DOCK5: variants seen among roughly 807,000 people sequenced by gnomAD.
DOCK5 encodes dedicator of cytokinesis protein 5.
DOCK5 carries 142 observed loss-of-function variants against 251.8 expected under a neutral mutation model. The observed-to-expected ratio is 0.56, with a 90% CI of 0.49 to 0.65. The LOEUF (loss-of-function observed/expected upper bound fraction) is 0.65. Ranked by LOEUF, DOCK5 falls within the 30% of genes least tolerant of loss-of-function variation. DOCK5 has a pLI of 0.00. For missense variants in DOCK5, 2,111 were observed against 2,312.3 expected (o/e 0.91, Z 1.79); for synonymous variants, 842 against 835.5 (o/e 1.01, Z -0.13).
intron 40 of DOCK5, among the ~76,000 whole-genome samples, chr8:25,386,245 G>A (rs893786833): frequency 2.0e-5 from 3 of 152,226 alleles, no homozygotes; most frequent in Middle Eastern, 3.4e-3. Flanking sequence ...TAAAATAACC[G>A]TGGTTGGGGA....
intron 50 of DOCK5, chr8:25,409,859 TAAAAA>T: frequency 2.6e-6 from 1 of 380,432 alleles, no homozygotes; most frequent in Non-Finnish European, 4.8e-6. Context: ...AAAACAAAAA[TAAAAA>T]AAATAAAGTT....
At position 25,274,511 on chromosome 8, in the gene DOCK5, C is replaced by T. The variant is rs115087887; in HGVS notation, c.169-875C>T. Among the ~76,000 whole-genome samples, 608 of 152,312 alleles carry T rather than the reference C, an allele frequency of 4.0e-3. 1 individual carries two copies. Among genetic ancestry groups the T allele is most frequent in the African/African-American group, 0.014 (585 of 41,558 alleles). On this transcript the variant is annotated intron_variant, in intron 3 of 51. Transcript: ENST00000276440. ...CTTCCTGTTGGTTAGATCTGGTCCTCTGTTCTCTGATTTCTATCCACCAGT... is the reference window on the plus strand; with the variant it reads ...CTTCCTGTTGGTTAGATCTGGTCCTTTGTTCTCTGATTTCTATCCACCAGT...
At chr8:25,261,748 G>A (rs879766078) in intron 2 of DOCK5, among the ~76,000 whole-genome samples, 21 of 152,168 alleles carry the variant, frequency 1.4e-4, no homozygotes, top group Admixed American at 9.2e-4. Flanking sequence ...AAAATTCCGC[G>A]GTATCTTTAT....
intron 13 of DOCK5, among the ~76,000 whole-genome samples, chr8:25,311,003 C>T (rs1024254459): frequency 3.9e-5 from 6 of 152,140 alleles, no homozygotes; most frequent in Admixed American, 1.3e-4. Context: ...AGCATGTGGG[C>T]GCCTTGCTCT....
chr8:25,298,460 C>T (rs1315265324), intron 7 of DOCK5, among the ~76,000 whole-genome samples: 1 of 152,138 alleles, frequency 6.6e-6, no homozygotes, highest in African/African-American at 2.4e-5. Context: ...GGATTCAAGG[C>T]CCTGAACAGG....
intron 45 of DOCK5, among the ~76,000 whole-genome samples, chr8:25,396,763 CGTGT>C (rs5890230): frequency 0.48 from 69,961 of 146,726 alleles, 17,798 homozygotes; most frequent in East Asian, 0.6. Context: ...CTCTTGTGTC[CGTGT>C]GTGTGTGTGT....
rs1801473495 is a variant in DOCK5 at position 25,403,567 on chromosome 8, T to G, written c.4936T>G (p.Leu1646Val). 1 of 1,613,700 alleles carries G rather than the reference T, an allele frequency of 6.2e-7. No homozygotes were observed. The highest frequency in any genetic ancestry group is 1.7e-5 in the Admixed American group (1 of 59,982). The change falls in exon 48 of 52, where the codon TTG becomes GTG. Residue 1646 changes from leucine to valine, a missense_variant. Around this residue, in one of 3 missense-constraint regions of DOCK5, gnomAD observed 1,717 missense variants for 1,892.4 expected, o/e 0.91. Coordinates refer to ENST00000276440, the MANE Select transcript of DOCK5 (RefSeq NM_024940.8). Reference protein sequence around the residue: ...HYGVITLPPNLTERKQSRTGS... With the variant: ...HYGVITLPPNVTERKQSRTGS... ...AGTCATATGTTTTCAGCCACCCAAC[T>G]TGACGGAGAGGAAGCAAAGCCGCAC...
chr8:25,203,136 C>T (rs1311584388), intron 1 of DOCK5, among the ~76,000 whole-genome samples: 3 of 152,162 alleles, frequency 2.0e-5, no homozygotes, highest in Admixed American at 6.5e-5. Context: ...GGTCTTAACA[C>T]CCAGATCATC....
At chr8:25,257,631 C>A (rs1294406039) in intron 2 of DOCK5, among the ~76,000 whole-genome samples, 4 of 152,138 alleles carry the variant, frequency 2.6e-5, no homozygotes, top group Non-Finnish European at 4.4e-5. Context: ...GCTCTTGGCA[C>A]ACAAACTTGC....
chr8:25,285,539 C>T (rs1391341989), intron 5 of DOCK5, among the ~76,000 whole-genome samples: 1 of 152,112 alleles, frequency 6.6e-6, no homozygotes, highest in Non-Finnish European at 1.5e-5. Context: ...CTGTGGCAGT[C>T]TATAGTTCTG....
chr8:25,363,143 T>G lies in DOCK5; in HGVS notation c.3044+2T>G, dbSNP rs868329499. 3.1e-6 allele frequency: 5 copies of G among 1,613,410 alleles called. No homozygotes were observed. The Admixed American group carries it at 8.3e-5, about 27-fold the overall frequency. Reference sequence around the variant, plus strand: ...GGTGATGAATATGACTCAAAACAGGTGAGACAGCCCATGGCTGGCCCTGAG... The same window carrying G: ...GGTGATGAATATGACTCAAAACAGGGGAGACAGCCCATGGCTGGCCCTGAG... On this transcript the variant is annotated splice_donor_variant, in intron 29 of 51. Coordinates refer to ENST00000276440, the MANE Select transcript of DOCK5 (RefSeq NM_024940.8). LOFTEE classifies it high-confidence loss of function.
intron 2 of DOCK5, 105 bp downstream of exon 2, chr8:25,243,862 A>G: frequency 9.2e-7 from 1 of 1,088,484 alleles, no homozygotes; most frequent in Admixed American, 2.2e-5. Flanking sequence ...GACTTCCTGA[A>G]ACAGTGCTAG....
chr8:25,340,049 T>G (rs1429508437), intron 22 of DOCK5, among the ~76,000 whole-genome samples: 9 of 152,120 alleles, frequency 5.9e-5, no homozygotes, highest in Non-Finnish European at 1.2e-4. Flanking sequence ...AGAAGAAACA[T>G]AGATAACATC....
At chr8:25,357,589 A>T (rs147796431) in intron 27 of DOCK5, among the ~76,000 whole-genome samples, 1 of 150,866 alleles carries the variant, frequency 6.6e-6, no homozygotes, top group African/African-American at 2.4e-5. Flanking sequence ...TGTTGGCCAG[A>T]CTGGTCTCAA....
chr8:25,408,461 C>T (rs1160179500), intron 49 of DOCK5, among the ~76,000 whole-genome samples: 1 of 152,152 alleles, frequency 6.6e-6, no homozygotes, highest in African/African-American at 2.4e-5. Context: ...CATTTCTCTT[C>T]TTTAATTTTT....
intron 1 of DOCK5, among the ~76,000 whole-genome samples, chr8:25,226,632 T>C (rs2117510309): frequency 6.6e-6 from 1 of 151,144 alleles, no homozygotes; most frequent in South Asian, 2.1e-4. Context: ...GTTCCCCAGA[T>C]TGGAGTGCAG....
chr8:25,285,053 T>C (rs1382659571), intron 5 of DOCK5, among the ~76,000 whole-genome samples: 1 of 152,232 alleles, frequency 6.6e-6, no homozygotes, highest in African/African-American at 2.4e-5. Context: ...TTTGGAAGAC[T>C]GGATCTAATC....
chr8:25,366,427 C>T (rs954729117), intron 30 of DOCK5, among the ~76,000 whole-genome samples: 3 of 152,168 alleles, frequency 2.0e-5, no homozygotes, highest in Non-Finnish European at 4.4e-5. Context: ...GCGGAGGTTG[C>T]AGTGAGCCGA....
At chr8:25,332,455 A>G (rs1026587779) in intron 19 of DOCK5, 107 bp downstream of exon 19, 30 of 1,210,602 alleles carry the variant, frequency 2.5e-5, no homozygotes, top group Middle Eastern at 2.0e-4. Flanking sequence ...CATTGTAAAT[A>G]TAAAATCTAC....
Sources: gnomAD v4.1 joint callset for allele counts (sites outside exome capture counted in the v4.1 genomes callset) on GRCh38, gnomAD v4.1.1 for gene constraint, gnomAD v4.1.1 regional missense constraint, MANE v1.5 for transcripts, NCBI Gene and HGNC (gene_info 2026-07-23, HGNC 2026-07-21) for gene names.